The following TBC1D20 variants were observed in gnomAD, a reference collection of about 807,000 sequenced individuals.
TBC1D20 encodes the protein TBC1 domain family member 20.
In TBC1D20, 12 loss-of-function variants were observed where a neutral mutation model predicts 41.6. That is an observed-to-expected ratio of 0.29 (90% CI 0.18 to 0.47). The LOEUF is 0.47. Ranked by LOEUF, TBC1D20 falls within the 20% of genes least tolerant of loss-of-function variation. TBC1D20 has a pLI of 1.00. For synonymous variants in TBC1D20, 205 were observed against 204.8 expected, an observed-to-expected ratio of 1.00 and a Z score of -0.01; for missense variants, 421 against 517.4, an observed-to-expected ratio of 0.81 and a Z score of 1.81.
At chr20:455,076 G>C (rs994579447) in intron 1 of TBC1D20, among the ~76,000 whole-genome samples, 7 of 152,198 alleles carry the variant, frequency 4.6e-5, no homozygotes, top group Non-Finnish European at 7.3e-5. Flanking sequence ...CTGGTTTGGA[G>C]CCATGTGCAA....
At chr20:457,759 C>T (rs2017566721) in intron 1 of TBC1D20, among the ~76,000 whole-genome samples, 1 of 152,198 alleles carries the variant, frequency 6.6e-6, no homozygotes, top group Admixed American at 6.5e-5. Flanking sequence ...TTATCCTGTA[C>T]TCAGGAGGAA....
chr20:460,203 G>A (rs1270264164), intron 1 of TBC1D20, among the ~76,000 whole-genome samples: 6 of 152,008 alleles, frequency 3.9e-5, no homozygotes, highest in African/African-American at 7.3e-5. Flanking sequence ...TTAAAACAAT[G>A]GAAGGGGGGG....
chr20:436,930 T>G lies in TBC1D20; in HGVS notation c.*1656A>C, dbSNP rs2017129295. 6.5e-6 allele frequency: 1 copy of G among 152,738 alleles called. No homozygotes were observed. The highest frequency in any genetic ancestry group is 1.5e-5 in the Non-Finnish European group (1 of 68,038). 9.5% of individuals were successfully genotyped at this position (152,738 alleles called of 1,614,324 possible). A position where few individuals can be genotyped will look rare whatever the true frequency, so the allele number is the denominator to read the frequency against. On this transcript the variant is annotated 3_prime_UTR_variant, in exon 8 of 8. Transcript: ENST00000354200. ...GAGTTCGAGACCAGCCTGGCCAACG[T>G]GGCGAAACCCCATCTCTACTAAAAA...
chr20:438,538 GA>G lies in TBC1D20; in HGVS notation c.*47del. 1 of 1,591,490 alleles carries G rather than the reference GA, an allele frequency of 6.3e-7. No individual in the cohort carries two copies. The highest frequency in any genetic ancestry group is 1.1e-5 in the South Asian group (1 of 89,826). On this transcript the variant is annotated 3_prime_UTR_variant, in exon 8 of 8. Coordinates refer to ENST00000354200, the MANE Select transcript of TBC1D20 (RefSeq NM_144628.4). ...TTCCACCCCTCCCAATCCTTCCATG[GA>G]AGGGTGAGACCTTAATGTGATGTAA... is the stretch of plus-strand genomic sequence containing the variant.
In TBC1D20 at chr20:444,952, G is replaced by T; in HGVS notation, c.337+98C>A. 4 of 1,049,396 alleles carry T rather than the reference G, an allele frequency of 3.8e-6. No individual in the cohort carries two copies. In the East Asian group the frequency reaches 1.1e-4, roughly 28 times the overall value. The allele number at this position is 1,049,396 out of a possible 1,614,324, so 65.0% of individuals were successfully genotyped here. ...ACTCAGCAAAAGGAGAGCTCTGAAG[G>T]TCCCTGAGGCGGCAGGGTCCAGCAT... is the stretch of plus-strand genomic sequence containing the variant. On this transcript the variant is annotated intron_variant, in intron 3 of 7. Transcript: ENST00000354200.
At chr20:453,176 A>C (rs1377112418) in intron 1 of TBC1D20, among the ~76,000 whole-genome samples, 6 of 140,340 alleles carry the variant, frequency 4.3e-5, no homozygotes, top group East Asian at 2.2e-4. Flanking sequence ...AAAAAAAAAA[A>C]AAAAAAAAAA....
intron 1 of TBC1D20, among the ~76,000 whole-genome samples, chr20:460,964 A>G (rs982716227): frequency 1.3e-5 from 2 of 152,230 alleles, no homozygotes. Flanking sequence ...CACAAACACC[A>G]GTAATTAAAG....
intron 1 of TBC1D20, among the ~76,000 whole-genome samples, chr20:461,347 C>A (rs157798): frequency 1.3e-5 from 2 of 152,008 alleles, no homozygotes; most frequent in South Asian, 2.1e-4. Context: ...AAAATAGAAG[C>A]GCTTTTTATA....
intron 1 of TBC1D20, among the ~76,000 whole-genome samples, chr20:449,499 G>T (rs2017405801): frequency 2.8e-5 from 1 of 35,974 alleles, no homozygotes; most frequent in Admixed American, 3.3e-4. Flanking sequence ...GGAGGCTGAG[G>T]CAGGAGAGTC....
intron 2 of TBC1D20, 68 bp downstream of exon 2, chr20:447,821 G>A: frequency 5.8e-6 from 8 of 1,379,848 alleles, no homozygotes; most frequent in Non-Finnish European, 7.8e-6. Context: ...AAAAATTAAA[G>A]ATCCTGGAAT....
intron 1 of TBC1D20, among the ~76,000 whole-genome samples, chr20:460,763 T>C (rs1170233591): frequency 3.3e-5 from 5 of 152,188 alleles, no homozygotes; most frequent in African/African-American, 7.2e-5. Context: ...TACTCTGATA[T>C]GATTAAAAAA....
At position 439,272 on chromosome 20, in the gene TBC1D20, T is replaced by C. The variant is rs977342691; in HGVS notation, c.792A>G (p.Glu264=). 6.2e-6 allele frequency: 10 copies of C among 1,610,060 alleles called. No homozygotes were observed. Among genetic ancestry groups the C allele is most frequent in the Non-Finnish European group, 7.6e-6 (9 of 1,178,270 alleles). ...AAVIVLYREQ[E]VLDCDCDMAS... is the part of the protein sequence containing the mutation. The stretch of plus-strand genomic sequence containing the variant: ...CCATGTCACAGTCACAGTCCAGGAC[T>C]TCCTGCTCGCGATACAACACAATCT... Residue 264 remains glutamate (E), a synonymous_variant, in exon 7 of 8, where the codon GAA becomes GAG. Coordinates refer to ENST00000354200, the MANE Select transcript of TBC1D20 (RefSeq NM_144628.4). This position sits in a 1 kb window ranked among gnomAD's most constrained non-coding sequence, Gnocchi z 4.6.
chr20:452,986 C>G (rs1007423356), intron 1 of TBC1D20, among the ~76,000 whole-genome samples: 4 of 151,636 alleles, frequency 2.6e-5, no homozygotes, highest in Non-Finnish European at 5.9e-5. Context: ...CCCATCTCTA[C>G]TAAAAATACA....
At position 440,243 on chromosome 20, in the gene TBC1D20, C is replaced by T; in HGVS notation, c.768+5G>A. ...CCCAGCTGCTGGCTCGTGGCCTGTACCTACCACGGCTGCAAAGTAAATCGG... is the reference window on the plus strand; with the variant it reads ...CCCAGCTGCTGGCTCGTGGCCTGTATCTACCACGGCTGCAAAGTAAATCGG... On this transcript the variant is annotated splice_donor_5th_base_variant and intron_variant, in intron 6 of 7. Transcript: ENST00000354200. The T allele has an allele frequency of 4.3e-6, 7 of 1,610,796 alleles. No homozygotes were observed. The highest frequency in any genetic ancestry group is 5.9e-6 in the Non-Finnish European group (7 of 1,178,606).
intron 1 of TBC1D20, among the ~76,000 whole-genome samples, chr20:448,561 C>T (rs1234512653): frequency 3.3e-5 from 5 of 151,576 alleles, no homozygotes; most frequent in East Asian, 4.0e-4. Context: ...TCGTGGTGCT[C>T]GCCTGTAGTC....
At chr20:440,583 A>G (rs2017208941) in intron 5 of TBC1D20, 194 bp from the exon 6 acceptor site, 2 of 648,670 alleles carry the variant, frequency 3.1e-6, no homozygotes, top group Non-Finnish European at 2.5e-6. Context: ...CACTAACACC[A>G]CAACAGGGTC....
At chr20:460,767 TA>T (rs1478811462) in intron 1 of TBC1D20, among the ~76,000 whole-genome samples, 3 of 152,134 alleles carry the variant, frequency 2.0e-5, no homozygotes, top group Admixed American at 1.3e-4. Flanking sequence ...CTGATATGAT[TA>T]AAAAACAAAA....
chr20:442,534 T>C (rs975801204), intron 3 of TBC1D20, among the ~76,000 whole-genome samples: 8 of 152,232 alleles, frequency 5.3e-5, no homozygotes, highest in African/African-American at 1.9e-4. Flanking sequence ...GAGAAACGCA[T>C]AAATCTATAT....
intron 1 of TBC1D20, among the ~76,000 whole-genome samples, chr20:461,581 C>G (rs1299444480): frequency 6.6e-6 from 1 of 152,180 alleles, no homozygotes; most frequent in African/African-American, 2.4e-5. Context: ...AGCCTGATCT[C>G]GAAATCCTGG....
Sources: allele counts gnomAD v4.1 joint callset (sites outside exome capture counted in the v4.1 genomes callset), GRCh38; gene constraint gnomAD v4.1.1; non-coding constraint Gnocchi (gnomAD v3.1); transcripts MANE v1.5; gene names NCBI Gene and HGNC (gene_info 2026-07-23, HGNC 2026-07-21).